Variants in EEIG1 observed in about 807,000 individuals in gnomAD.
The protein encoded by EEIG1 is estrogen-induced osteoclastogenesis regulator 1, also known as early estrogen-induced gene 1 protein.
At chr9:127,964,467 G>A in the EEIG1 span, among the ~76,000 whole-genome samples, 117,504 of 152,208 alleles carry the variant, frequency 0.77, 46,742 homozygotes, top group Non-Finnish European at 0.87. Context: ...CCTGGCCTCA[G>A]GCTGCCAGGC....
the EEIG1 span, among the ~76,000 whole-genome samples, chr9:127,971,952 C>A: frequency 1.1e-4 from 16 of 152,292 alleles, no homozygotes; most frequent in Non-Finnish European, 2.1e-4. Context: ...TGGAAGCCGA[C>A]GAGGCCAGCC....
At chr9:127,970,075 T>C in the EEIG1 span, among the ~76,000 whole-genome samples, 3 of 152,064 alleles carry the variant, frequency 2.0e-5, no homozygotes, top group Non-Finnish European at 4.4e-5. Flanking sequence ...TGCCCTGACT[T>C]GCATCAGAAA....
the EEIG1 span, among the ~76,000 whole-genome samples, chr9:127,950,015 CTCTG>C: frequency 7.0e-3 from 1,059 of 152,334 alleles, 25 homozygotes; most frequent in Non-Finnish European, 6.1e-3. Context: ...CAGGTGCCAG[CTCTG>C]TCTGTGACTT....
the EEIG1 span, chr9:127,980,389 C>A: frequency 2.4e-6 from 1 of 412,882 alleles, no homozygotes; most frequent in Non-Finnish European, 4.4e-6. Context: ...ACCTCACCGG[C>A]ATGTAAACAG....
chr9:127,956,865 C>T, the EEIG1 span, among the ~76,000 whole-genome samples: 1 of 152,152 alleles, frequency 6.6e-6, no homozygotes, highest in Non-Finnish European at 1.5e-5. Context: ...CAGGCATGTA[C>T]CACAACACCT....
chr9:127,964,740 G>A, the EEIG1 span, among the ~76,000 whole-genome samples: 11 of 152,200 alleles, frequency 7.2e-5, no homozygotes, highest in Non-Finnish European at 1.5e-4. Flanking sequence ...AGCCCTGCGG[G>A]GGCAGGTGCT....
chr9:127,957,096 T>A, the EEIG1 span, among the ~76,000 whole-genome samples: 1 of 152,146 alleles, frequency 6.6e-6, no homozygotes, highest in East Asian at 2.0e-4. Flanking sequence ...TCACTTGAGG[T>A]CAGGTAGCTA....
the EEIG1 span, chr9:127,980,096 A>G: frequency 1.2e-6 from 2 of 1,613,650 alleles, no homozygotes; most frequent in Non-Finnish European, 1.7e-6. Flanking sequence ...GGGTGAAAGT[A>G]GTTTGGAATT....
chr9:127,953,565 C>G, the EEIG1 span: 3 of 1,613,840 alleles, frequency 1.9e-6, no homozygotes, highest in Non-Finnish European at 2.5e-6. Context: ...CTTCACACAG[C>G]CCCTCTTACC....
chr9:127,974,873 T>C, the EEIG1 span, among the ~76,000 whole-genome samples: 1 of 151,978 alleles, frequency 6.6e-6, no homozygotes, highest in African/African-American at 2.4e-5. Context: ...CCCTCTCCAG[T>C]GTGCTCAGCC....
chr9:127,971,650 G>A, the EEIG1 span, among the ~76,000 whole-genome samples: 2 of 152,136 alleles, frequency 1.3e-5, no homozygotes, highest in African/African-American at 4.8e-5. Context: ...CCAGGACAGT[G>A]CCAACCCACA....
At chr9:127,977,612 C>G in the EEIG1 span, among the ~76,000 whole-genome samples, 3 of 152,240 alleles carry the variant, frequency 2.0e-5, no homozygotes, top group African/African-American at 7.2e-5. Flanking sequence ...CCTCTACCAA[C>G]AGAAGCGATA....
chr9:127,959,951 G>A, the EEIG1 span, among the ~76,000 whole-genome samples: 1 of 152,200 alleles, frequency 6.6e-6, no homozygotes, highest in East Asian at 1.9e-4. Context: ...TGATGGTTGT[G>A]CAACTGTGAA....
chr9:127,977,515 T>A, the EEIG1 span, among the ~76,000 whole-genome samples: 1 of 152,102 alleles, frequency 6.6e-6, no homozygotes, highest in Non-Finnish European at 1.5e-5. Context: ...CACTCCCAGC[T>A]CACACACAGG....
chr9:127,953,834 G>A, the EEIG1 span: 40 of 1,613,866 alleles, frequency 2.5e-5, no homozygotes, highest in African/African-American at 4.1e-4. Flanking sequence ...AAGACACAGG[G>A]GTCCAGCAGG....
chr9:127,956,979 T>C, the EEIG1 span, among the ~76,000 whole-genome samples: 1 of 152,178 alleles, frequency 6.6e-6, no homozygotes, highest in African/African-American at 2.4e-5. Context: ...CATCCCAAAG[T>C]GCTGGATTAC....
At chr9:127,948,489 T>C in the EEIG1 span, 6 of 1,475,416 alleles carry the variant, frequency 4.1e-6, no homozygotes, top group Non-Finnish European at 5.7e-6. Context: ...CTGCAGCCTT[T>C]CGGCTCTGGC....
chr9:127,963,406 C>A, the EEIG1 span, among the ~76,000 whole-genome samples: 1,290 of 152,346 alleles, frequency 8.5e-3, 17 homozygotes, highest in African/African-American at 0.029. Context: ...GTGCTTCCCC[C>A]GCTCCCCGCT....
chr9:127,977,332 C>T, the EEIG1 span, among the ~76,000 whole-genome samples: 22 of 152,204 alleles, frequency 1.4e-4, no homozygotes, highest in African/African-American at 5.3e-4. Context: ...GAAATCCAGA[C>T]CCTGTGGACT....
Sources: allele counts gnomAD v4.1 joint callset (sites outside exome capture counted in the v4.1 genomes callset), GRCh38; gene constraint gnomAD v4.1.1; transcripts MANE v1.5; gene names NCBI Gene and HGNC (gene_info 2026-07-23, HGNC 2026-07-21).